Variants in ARK2N observed in about 807,000 individuals in gnomAD.
The protein encoded by ARK2N is protein ARK2N.
the ARK2N span, chr18:46,253,754 T>C: frequency 6.2e-7 from 1 of 1,613,502 alleles, no homozygotes. Flanking sequence ...AATGCGCCAC[T>C]CAATGAAGAA....
At chr18:46,234,387 G>A in the ARK2N span, among the ~76,000 whole-genome samples, 99,209 of 151,806 alleles carry the variant, frequency 0.65, 33,650 homozygotes, top group Non-Finnish European at 0.75. Context: ...TAGTAGAGAC[G>A]GGGGTTTCAC....
the ARK2N span, among the ~76,000 whole-genome samples, chr18:46,255,706 C>G: frequency 6.6e-6 from 1 of 151,840 alleles, no homozygotes; most frequent in Non-Finnish European, 1.5e-5. Context: ...CCACCTCGGC[C>G]TCCCAAAGTG....
the ARK2N span, chr18:46,253,710 A>G: frequency 3.7e-6 from 6 of 1,610,172 alleles, no homozygotes; most frequent in Non-Finnish European, 5.1e-6. Context: ...ATTTGGATCC[A>G]GGATTCCTAG....
At chr18:46,237,209 A>AT in the ARK2N span, among the ~76,000 whole-genome samples, 30 of 150,634 alleles carry the variant, frequency 2.0e-4, no homozygotes, top group Non-Finnish European at 5.9e-5. Flanking sequence ...CTCCCTAGTG[A>AT]TTTTTTTTTC....
At chr18:46,225,349 T>C in the ARK2N span, among the ~76,000 whole-genome samples, 2 of 152,252 alleles carry the variant, frequency 1.3e-5, no homozygotes, top group African/African-American at 2.4e-5. Context: ...GAAATGGAAA[T>C]ATTACAGAAC....
the ARK2N span, among the ~76,000 whole-genome samples, chr18:46,213,320 A>G: frequency 6.6e-6 from 1 of 152,094 alleles, no homozygotes; most frequent in African/African-American, 2.4e-5. Flanking sequence ...TCATTATTCC[A>G]GAATATACAA....
At chr18:46,180,088 T>C in the ARK2N span, among the ~76,000 whole-genome samples, 1 of 152,244 alleles carries the variant, frequency 6.6e-6, no homozygotes. Context: ...GTTGTTTGAT[T>C]AGTTGTTAGG....
At chr18:46,210,473 A>G in the ARK2N span, among the ~76,000 whole-genome samples, 1 of 152,190 alleles carries the variant, frequency 6.6e-6, no homozygotes, top group Non-Finnish European at 1.5e-5. Flanking sequence ...GGATTTGAAT[A>G]TGATGTGATT....
At chr18:46,201,898 C>T in the ARK2N span, among the ~76,000 whole-genome samples, 1 of 151,930 alleles carries the variant, frequency 6.6e-6, no homozygotes, top group Non-Finnish European at 1.5e-5. Flanking sequence ...CTCCTTCAGC[C>T]TCCTGAGTAG....
At chr18:46,195,241 T>A in the ARK2N span, among the ~76,000 whole-genome samples, 5 of 151,594 alleles carry the variant, frequency 3.3e-5, no homozygotes, top group Non-Finnish European at 4.4e-5. Context: ...TTTCATTAAT[T>A]TTTTCCTAAA....
chr18:46,263,122 A>T, the ARK2N span: 1 of 1,600,100 alleles, frequency 6.2e-7, no homozygotes, highest in Non-Finnish European at 8.5e-7. Context: ...ACTGTAATAC[A>T]ATGTCACTGT....
the ARK2N span, among the ~76,000 whole-genome samples, chr18:46,210,787 G>A: frequency 6.6e-6 from 1 of 151,994 alleles, no homozygotes; most frequent in South Asian, 2.1e-4. Flanking sequence ...GCTTGCACCT[G>A]TAGTCTCAGC....
the ARK2N span, among the ~76,000 whole-genome samples, chr18:46,189,483 G>T: frequency 7.9e-5 from 12 of 152,050 alleles, no homozygotes; most frequent in Admixed American, 5.9e-4. Context: ...AAGAGATGGG[G>T]TCTCATTATG....
the ARK2N span, chr18:46,240,111 T>A: frequency 6.2e-7 from 1 of 1,614,206 alleles, no homozygotes; most frequent in Non-Finnish European, 8.5e-7. Context: ...AAGAGCACAG[T>A]AATTCTGTAG....
chr18:46,256,562 A>G, the ARK2N span, among the ~76,000 whole-genome samples: 1 of 152,218 alleles, frequency 6.6e-6, no homozygotes, highest in Non-Finnish European at 1.5e-5. Context: ...TCTACATTTT[A>G]AATAACGTTA....
At chr18:46,241,364 G>A in the ARK2N span, among the ~76,000 whole-genome samples, 2 of 152,020 alleles carry the variant, frequency 1.3e-5, no homozygotes, top group Non-Finnish European at 2.9e-5. Flanking sequence ...ATAAATCCTT[G>A]TTTTGCCCAA....
the ARK2N span, among the ~76,000 whole-genome samples, chr18:46,177,512 A>G: frequency 6.7e-6 from 1 of 149,836 alleles, no homozygotes; most frequent in African/African-American, 2.5e-5. Context: ...GCTCACTGCA[A>G]ACTCTGCCTT....
At chr18:46,183,504 G>A in the ARK2N span, among the ~76,000 whole-genome samples, 1 of 152,110 alleles carries the variant, frequency 6.6e-6, no homozygotes, top group Non-Finnish European at 1.5e-5. Flanking sequence ...GTTGGTGATC[G>A]TTGCCCAGTT....
At chr18:46,251,421 T>C in the ARK2N span, among the ~76,000 whole-genome samples, 1 of 152,156 alleles carries the variant, frequency 6.6e-6, no homozygotes, top group African/African-American at 2.4e-5. Context: ...TGTATGCTTA[T>C]AGGGTCCAGA....
Sources: gnomAD v4.1 joint callset for allele counts (sites outside exome capture counted in the v4.1 genomes callset) on GRCh38, gnomAD v4.1.1 for gene constraint, MANE v1.5 for transcripts, NCBI Gene and HGNC (gene_info 2026-07-23, HGNC 2026-07-21) for gene names.